PPP2R5A: variants seen among roughly 807,000 people sequenced by gnomAD.
PPP2R5A encodes the protein protein phosphatase 2 regulatory subunit B'alpha, also known as serine/threonine-protein phosphatase 2A 56 kDa regulatory subunit alpha isoform.
A neutral mutation model predicts 64.2 loss-of-function variants in PPP2R5A; 25 were observed. That is an observed-to-expected ratio of 0.39 (90% CI 0.28 to 0.54). The LOEUF (loss-of-function observed/expected upper bound fraction) is 0.54, where lower values mean the gene tolerates loss of function less well. Among genes scored for constraint, PPP2R5A ranks in the 20% least tolerant of loss-of-function variants. PPP2R5A has a pLI of 0.67. For synonymous variants in PPP2R5A, 198 were observed against 201.2 expected (o/e 0.98, Z 0.13); for missense variants, 425 against 576.3 (o/e 0.74, Z 2.69).
chr1:212,331,086 C>T (rs1284502870), intron 2 of PPP2R5A, among the ~76,000 whole-genome samples: 2 of 150,714 alleles, frequency 1.3e-5, no homozygotes, highest in Middle Eastern at 3.4e-3. Context: ...GAGAATTGCT[C>T]GAACCTGGGA....
At chr1:212,315,821 T>G (rs1659139998) in intron 1 of PPP2R5A, among the ~76,000 whole-genome samples, 1 of 152,232 alleles carries the variant, frequency 6.6e-6, no homozygotes, top group Admixed American at 6.5e-5. Context: ...GTTGGTCCCA[T>G]TTTTCCAATA....
At chr1:212,335,917 A>T (rs1176134365) in intron 3 of PPP2R5A, among the ~76,000 whole-genome samples, 3 of 152,164 alleles carry the variant, frequency 2.0e-5, no homozygotes, top group Non-Finnish European at 2.9e-5. Context: ...TGAATTTTTA[A>T]AAGTAAAGAA....
At chr1:212,339,045 A>G (rs1469137419) in intron 3 of PPP2R5A, among the ~76,000 whole-genome samples, 1 of 152,240 alleles carries the variant, frequency 6.6e-6, no homozygotes, top group Non-Finnish European at 1.5e-5. Context: ...AGGATGGAGT[A>G]AATAGAGAGT....
Position 212,349,240 on chromosome 1 carries a change from C to T in PPP2R5A, c.925C>T (p.Pro309Ser), listed in dbSNP as rs1659834741. 7 of 1,564,082 alleles carry T rather than the reference C, an allele frequency of 4.5e-6. No individual in the cohort carries two copies. The highest frequency in any genetic ancestry group is 6.1e-6 in the Non-Finnish European group (7 of 1,145,644). ...GGAGAAAGATACAACACTAACAGAG[C>T]CAGTAAGTGTTCTATTTATTTTCAT... is the stretch of plus-strand genomic sequence containing the variant. ...FLEKDTTLTE[P>S]VIRGLLKFWP... The change falls in exon 8 of 13, where the codon CCA becomes TCA. Residue 309 changes from proline to serine, a missense_variant and splice_region_variant. Around this residue, in one of 4 missense-constraint regions of PPP2R5A, gnomAD observed 177 missense variants for 244.8 expected, o/e 0.72. Transcript: ENST00000261461.
chr1:212,323,197 C>T (rs751008490), intron 1 of PPP2R5A, among the ~76,000 whole-genome samples: 6 of 152,178 alleles, frequency 3.9e-5, no homozygotes, highest in Non-Finnish European at 8.8e-5. Flanking sequence ...TAAATATATA[C>T]TGTGGTTGTA....
At chr1:212,337,639 T>C (rs1265388773) in intron 3 of PPP2R5A, among the ~76,000 whole-genome samples, 1 of 152,176 alleles carries the variant, frequency 6.6e-6, no homozygotes, top group Non-Finnish European at 1.5e-5. Context: ...GAATATCTTT[T>C]ATATAAGGTT....
At chr1:212,345,959 G>T (rs768902374) in intron 5 of PPP2R5A, 26 bp downstream of exon 5, 1 of 1,547,224 alleles carries the variant, frequency 6.5e-7, no homozygotes, top group East Asian at 2.3e-5. Flanking sequence ...ATTGTATATT[G>T]CACCTTTTCC....
intron 8 of PPP2R5A, among the ~76,000 whole-genome samples, chr1:212,350,824 A>C (rs964129239): frequency 7.2e-5 from 11 of 151,774 alleles, no homozygotes; most frequent in Non-Finnish European, 2.9e-5. Flanking sequence ...TAAGGAAGAC[A>C]GGTGATTTAT....
At chr1:212,348,362 C>A in intron 6 of PPP2R5A, 27 bp from the exon 7 acceptor site, 1 of 1,442,002 alleles carries the variant, frequency 6.9e-7, no homozygotes, top group Non-Finnish European at 9.7e-7. Context: ...ACTACTTAAC[C>A]CTTCCCCTGC....
At chr1:212,327,510 G>A (rs1414023716) in intron 1 of PPP2R5A, among the ~76,000 whole-genome samples, 5 of 152,068 alleles carry the variant, frequency 3.3e-5, no homozygotes, top group East Asian at 1.9e-4. Flanking sequence ...CACCTCCTGC[G>A]TTCCAGTGAT....
intron 1 of PPP2R5A, among the ~76,000 whole-genome samples, chr1:212,321,309 G>A (rs1334257579): frequency 5.5e-4 from 80 of 146,534 alleles, no homozygotes; most frequent in African/African-American, 1.8e-3. Flanking sequence ...GCGGCTGGCC[G>A]GGCGAGGGGC....
chr1:212,337,123 G>A (rs1393134177), intron 3 of PPP2R5A, among the ~76,000 whole-genome samples: 1 of 152,130 alleles, frequency 6.6e-6, no homozygotes, highest in African/African-American at 2.4e-5. Flanking sequence ...CAGTATTAGG[G>A]GATAGGTTGT....
chr1:212,329,463 C>G lies in PPP2R5A; in HGVS notation c.378+132C>G, dbSNP rs939460583. 7 of 760,476 alleles carry G rather than the reference C, an allele frequency of 9.2e-6. No homozygotes were observed. The African/African-American group carries it at 1.3e-4, about 14-fold the overall frequency. The allele number at this position is 760,476 out of a possible 1,614,324, so 47.1% of individuals were successfully genotyped here. On this transcript the variant is annotated intron_variant, in intron 2 of 12. Transcript: ENST00000261461. ...CCCAAATTTTAGAAAATAGTTCATA[C>G]CCCATCCATTCCAATGATACCATCA...
chr1:212,319,944 ATTGTT>A (rs1659235685), intron 1 of PPP2R5A, among the ~76,000 whole-genome samples: 1 of 99,680 alleles, frequency 1.0e-5, no homozygotes, highest in African/African-American at 4.8e-5. Context: ...TTTCTTACAG[ATTGTT>A]TTTTTTTTTT....
At chr1:212,320,857 A>T (rs1659267615) in intron 1 of PPP2R5A, among the ~76,000 whole-genome samples, 2 of 134,626 alleles carry the variant, frequency 1.5e-5, no homozygotes, top group Admixed American at 7.3e-5. Flanking sequence ...GGCCGGGCAG[A>T]GGGGCTCCTC....
At chr1:212,288,374 T>C (rs184189231) in intron 1 of PPP2R5A, among the ~76,000 whole-genome samples, 6 of 152,324 alleles carry the variant, frequency 3.9e-5, no homozygotes, top group Non-Finnish European at 7.3e-5. Context: ...ATCTAAGTTA[T>C]ATGATGTAGG....
intron 1 of PPP2R5A, among the ~76,000 whole-genome samples, chr1:212,300,327 G>A (rs1277578411): frequency 6.6e-6 from 1 of 152,020 alleles, no homozygotes; most frequent in Non-Finnish European, 1.5e-5. Context: ...ACTATTTTAG[G>A]TTATAATACA....
At position 212,344,741 on chromosome 1, in the gene PPP2R5A, A is replaced by G. The variant is rs560647893; in HGVS notation, c.574-1062A>G. Among the ~76,000 whole-genome samples the G allele has an allele frequency of 1.7e-4, 26 of 152,256 alleles. 1 individual carries two copies. The highest frequency in any genetic ancestry group is 4.1e-4 in the South Asian group (2 of 4,824). On this transcript the variant is annotated intron_variant, in intron 4 of 12. Coordinates refer to ENST00000261461, the MANE Select transcript of PPP2R5A (RefSeq NM_006243.4). Reference sequence around the variant, plus strand: ...TGAGATTTTGACTTTAACTTTTTCTAAAGTCTCTTCTCTCAGGTTTTGCTG... The same window carrying G: ...TGAGATTTTGACTTTAACTTTTTCTGAAGTCTCTTCTCTCAGGTTTTGCTG...
At chr1:212,330,579 CTAAT>C (rs1398843843) in intron 2 of PPP2R5A, among the ~76,000 whole-genome samples, 1 of 151,328 alleles carries the variant, frequency 6.6e-6, no homozygotes, top group South Asian at 2.1e-4. Context: ...TCCAGTTGGA[CTAAT>C]TAGAGAGTCG....
Sources: gnomAD v4.1 joint callset for allele counts (sites outside exome capture counted in the v4.1 genomes callset) on GRCh38, gnomAD v4.1.1 for gene constraint, gnomAD v4.1.1 regional missense constraint, MANE v1.5 for transcripts, NCBI Gene and HGNC (gene_info 2026-07-23, HGNC 2026-07-21) for gene names.